VPS4B: variants seen among roughly 807,000 people sequenced by gnomAD.
VPS4B encodes vacuolar protein sorting 4 homolog B.
Under a neutral mutation model 56.1 loss-of-function variants are expected in VPS4B, and 23 were observed. The observed-to-expected ratio is 0.41, with a 90% CI of 0.30 to 0.58. The LOEUF is 0.58. Among genes scored for constraint, VPS4B ranks in the 20% least tolerant of loss-of-function variants. The probability of loss-of-function intolerance (pLI) is 0.29; values close to 1 mark genes in which losing one functional copy is unlikely to be tolerated. For synonymous variants in VPS4B, 177 were observed against 186.0 expected (o/e 0.95, Z 0.39); for missense variants, 372 against 531.9 (o/e 0.70, Z 2.96).
At chr18:63,416,828 C>T (rs1309154990) in intron 1 of VPS4B, among the ~76,000 whole-genome samples, 1 of 152,210 alleles carries the variant, frequency 6.6e-6, no homozygotes, top group African/African-American at 2.4e-5. Context: ...TGCATGATGT[C>T]TCCTTTTCAG....
intron 4 of VPS4B, among the ~76,000 whole-genome samples, chr18:63,405,397 AAAATACTGT>A (rs546047530): frequency 4.6e-4 from 70 of 152,304 alleles, no homozygotes; most frequent in South Asian, 4.1e-4. Context: ...TAAAAGATTT[AAAATACTGT>A]TCAAAAAACA....
intron 4 of VPS4B, among the ~76,000 whole-genome samples, chr18:63,406,225 T>C (rs1383721641): frequency 6.6e-6 from 1 of 152,214 alleles, no homozygotes; most frequent in Non-Finnish European, 1.5e-5. Flanking sequence ...GGGACACCAC[T>C]ACGCTTGAGT....
Position 63,397,014 on chromosome 18 carries a change from G to A in VPS4B, c.1092+20C>T. 1 of 1,599,252 alleles carries A rather than the reference G, an allele frequency of 6.3e-7. No homozygotes were observed. Among genetic ancestry groups the A allele is most frequent in the South Asian group, 1.1e-5 (1 of 90,598 alleles). On this transcript the variant is annotated intron_variant, in intron 9 of 10. Transcript: ENST00000238497. ...AAAAAAAAAAAAAAAGATAGGAAAG[G>A]ATAGATAAAAATGACTTACCTTTTT...
intron 9 of VPS4B, among the ~76,000 whole-genome samples, chr18:63,394,406 T>G (rs1355076323): frequency 6.6e-6 from 1 of 152,234 alleles, no homozygotes; most frequent in Non-Finnish European, 1.5e-5. Context: ...AAAAAGAATC[T>G]TTGTGACATA....
At chr18:63,398,855 C>G (rs945604028) in intron 8 of VPS4B, among the ~76,000 whole-genome samples, 1 of 151,492 alleles carries the variant, frequency 6.6e-6, no homozygotes, top group African/African-American at 2.4e-5. Context: ...AAAAATCTTA[C>G]CTGGTTATCT....
At chr18:63,414,795 G>A (rs1916126473) in intron 1 of VPS4B, among the ~76,000 whole-genome samples, 1 of 152,222 alleles carries the variant, frequency 6.6e-6, no homozygotes, top group Non-Finnish European at 1.5e-5. Context: ...TTGAAATGCT[G>A]TGCCACTCAC....
chr18:63,411,430 T>C, intron 2 of VPS4B, 37 bp downstream of exon 2: 2 of 1,412,054 alleles, frequency 1.4e-6, no homozygotes, highest in South Asian at 1.6e-5. Flanking sequence ...AATTTTCCTT[T>C]TCGTGTTTTT....
intron 1 of VPS4B, chr18:63,415,281 T>C (rs1916136525): frequency 1.3e-5 from 2 of 153,988 alleles, no homozygotes; most frequent in Non-Finnish European, 2.9e-5. Context: ...TCCAGAAAGC[T>C]TTACCGGAGG....
rs1010609426 is a variant in VPS4B, at chr18:63,393,410, A to G, written c.1232T>C (p.Met411Thr). 4 of 1,586,820 alleles carry G rather than the reference A, an allele frequency of 2.5e-6. No individual in the cohort carries two copies. The Admixed American group carries it at 5.7e-5, about 23-fold the overall frequency. ...GDKLLEPVVS[M>T]SDMLRSLSNT... ...TTAAAAACAAACAAAATTTCAAACC[A>G]TGGAAACAACTGGCTCCAAAAGTTT... The change falls in exon 10 of 11, where the codon ATG (methionine) becomes ACG (threonine). Residue 411 changes from methionine (M) to threonine (T), a missense_variant and splice_region_variant. By Grantham distance (81) the Met-to-Thr change is moderately conservative. Around this residue, in one of 3 missense-constraint regions of VPS4B, gnomAD observed 153 missense variants for 190.9 expected, o/e 0.80. Transcript: ENST00000238497.
chr18:63,399,026 A>G (rs1418939826), intron 8 of VPS4B, among the ~76,000 whole-genome samples: 1 of 152,186 alleles, frequency 6.6e-6, no homozygotes, highest in East Asian at 1.9e-4. Context: ...TATGAAAGAC[A>G]GAAGTGTGTG....
chr18:63,415,275 G>C (rs1461457512), intron 1 of VPS4B: 1 of 153,402 alleles, frequency 6.5e-6, no homozygotes, highest in East Asian at 1.9e-4. Flanking sequence ...TTTCATTCCA[G>C]AAAGCTTTAC....
intron 7 of VPS4B, 139 bp from the exon 8 acceptor site, chr18:63,399,462 T>G (rs966239762): frequency 2.9e-6 from 2 of 692,478 alleles, no homozygotes; most frequent in Admixed American, 2.8e-5. Flanking sequence ...AAAAGAACTG[T>G]ATTTAATCAA....
intron 2 of VPS4B, 84 bp from the exon 3 acceptor site, chr18:63,410,530 A>C: frequency 1.3e-6 from 2 of 1,509,212 alleles, no homozygotes; most frequent in Non-Finnish European, 1.8e-6. Context: ...ATTTTTTCAG[A>C]CAAGGAAATT....
At chr18:63,412,098 GT>G (rs1290418742) in intron 1 of VPS4B, among the ~76,000 whole-genome samples, 1 of 152,080 alleles carries the variant, frequency 6.6e-6, no homozygotes, top group Admixed American at 6.6e-5. Context: ...TAACTAAAAG[GT>G]TTACTGAGCA....
At chr18:63,391,488 C>T (rs1280115677) in intron 10 of VPS4B, among the ~76,000 whole-genome samples, 1 of 152,216 alleles carries the variant, frequency 6.6e-6, no homozygotes. Flanking sequence ...CTCTGCCTTG[C>T]GAAGTGCTGG....
At chr18:63,421,832 G>T (rs1271092528) in intron 1 of VPS4B, among the ~76,000 whole-genome samples, 1 of 152,218 alleles carries the variant, frequency 6.6e-6, no homozygotes, top group Admixed American at 6.5e-5. Context: ...AGCTCAGAAT[G>T]AAGGGGTCTG....
At position 63,420,510 on chromosome 18, in the gene VPS4B, CAA is replaced by C. The variant is rs1916273082; in HGVS notation, c.27+1721_27+1722del. Among the ~76,000 whole-genome samples, 3 of 152,100 alleles carry C rather than the reference CAA, an allele frequency of 2.0e-5. No homozygotes were observed. In the South Asian group the frequency reaches 6.2e-4, roughly 31 times the overall value. ...TGTTGTAGAGTATCGAAATCACATG[CAA>C]AGTCTCTGACAAATGAAAAGCTGGT... On this transcript the variant is annotated intron_variant, in intron 1 of 10. Coordinates refer to ENST00000238497, the MANE Select transcript of VPS4B (RefSeq NM_004869.4).
chr18:63,405,951 A>T (rs1330744213), intron 4 of VPS4B, among the ~76,000 whole-genome samples: 1 of 152,000 alleles, frequency 6.6e-6, no homozygotes, highest in Non-Finnish European at 1.5e-5. Flanking sequence ...GCGCCACTGC[A>T]CTCCAGCCTG....
intron 9 of VPS4B, among the ~76,000 whole-genome samples, chr18:63,396,100 T>G (rs182093983): frequency 2.6e-5 from 4 of 152,352 alleles, no homozygotes; most frequent in Admixed American, 1.3e-4. Context: ...TTATGAGGTA[T>G]AAATGCACCA....
Sources: gnomAD v4.1 joint callset for allele counts (sites outside exome capture counted in the v4.1 genomes callset) on GRCh38, gnomAD v4.1.1 for gene constraint, gnomAD v4.1.1 regional missense constraint, MANE v1.5 for transcripts, NCBI Gene and HGNC (gene_info 2026-07-23, HGNC 2026-07-21) for gene names.